Variants in ZBTB20 observed in about 807,000 individuals in gnomAD.
ZBTB20 encodes zinc finger and BTB domain-containing protein 20.
A neutral mutation model predicts 56.9 loss-of-function variants in ZBTB20; 9 were observed. That is an observed-to-expected ratio of 0.16 (90% CI 0.10 to 0.28). ZBTB20 has a LOEUF of 0.28. Among genes scored for constraint, ZBTB20 ranks in the 10% least tolerant of loss-of-function variants. The pLI is 1.00. For missense variants in ZBTB20, 655 were observed against 1,003.0 expected, an observed-to-expected ratio of 0.65 and a Z score of 4.69; for synonymous variants, 417 against 420.7, an observed-to-expected ratio of 0.99 and a Z score of 0.11.
At chr3:115,025,587 AT>A (rs2080390876) in intron 2 of ZBTB20, among the ~76,000 whole-genome samples, 1 of 151,008 alleles carries the variant, frequency 6.6e-6, no homozygotes, top group Non-Finnish European at 1.5e-5. Context: ...AGAAAAAATG[AT>A]TCATGGGATC....
chr3:114,783,182 G>A (rs1053860798), intron 5 of ZBTB20, among the ~76,000 whole-genome samples: 1 of 152,064 alleles, frequency 6.6e-6, no homozygotes, highest in Non-Finnish European at 1.5e-5. Context: ...ATTATGTTAG[G>A]TAAAGTACTA....
At chr3:114,413,855 G>A (rs2088238793) in intron 7 of ZBTB20, among the ~76,000 whole-genome samples, 1 of 152,062 alleles carries the variant, frequency 6.6e-6, no homozygotes, top group Non-Finnish European at 1.5e-5. Flanking sequence ...GGCAGATTTG[G>A]GATTTGAATT....
At chr3:114,550,754 G>A (rs1046648626) in intron 6 of ZBTB20, among the ~76,000 whole-genome samples, 1 of 151,928 alleles carries the variant, frequency 6.6e-6, no homozygotes, top group Non-Finnish European at 1.5e-5. Flanking sequence ...CCAAGATATA[G>A]TTTGTTTGTT....
At chr3:114,594,266 C>CTTTTTT (rs1001656979) in intron 6 of ZBTB20, among the ~76,000 whole-genome samples, 1 of 132,310 alleles carries the variant, frequency 7.6e-6, no homozygotes, top group Admixed American at 7.6e-5. Context: ...TTCTCATATT[C>CTTTTTT]TTTTTTTTTT....
intron 10 of ZBTB20, among the ~76,000 whole-genome samples, chr3:114,364,283 C>T (rs2082173467): frequency 6.6e-6 from 1 of 152,150 alleles, no homozygotes; most frequent in Non-Finnish European, 1.5e-5. Context: ...GAAACCTCGT[C>T]TCTTCTAAAA....
chr3:115,000,055 T>A (rs1042284399), intron 2 of ZBTB20, among the ~76,000 whole-genome samples: 12 of 151,434 alleles, frequency 7.9e-5, no homozygotes, highest in African/African-American at 2.9e-4. Context: ...AAAAAAAAAA[T>A]AGCAAAATAA....
chr3:114,362,607 T>C (rs1183828481), intron 10 of ZBTB20, among the ~76,000 whole-genome samples: 1 of 152,196 alleles, frequency 6.6e-6, no homozygotes, highest in African/African-American at 2.4e-5. Context: ...CAAGCAATTG[T>C]TTTATGTGTT....
At chr3:114,664,183 C>T (rs996394458) in intron 6 of ZBTB20, among the ~76,000 whole-genome samples, 6 of 152,050 alleles carry the variant, frequency 3.9e-5, no homozygotes, top group African/African-American at 7.2e-5. Context: ...TCTCTCACAA[C>T]CCCTTGCAAA....
chr3:114,882,629 A>G (rs957754540), intron 4 of ZBTB20, among the ~76,000 whole-genome samples: 4 of 152,068 alleles, frequency 2.6e-5, no homozygotes, highest in African/African-American at 9.6e-5. Context: ...TAATATACCA[A>G]AATATAAACA....
chr3:115,113,955 CATTG>C (rs1044872468), intron 1 of ZBTB20, among the ~76,000 whole-genome samples: 39 of 151,914 alleles, frequency 2.6e-4, no homozygotes, highest in Non-Finnish European at 2.4e-4. Flanking sequence ...TTTGTCTTGG[CATTG>C]ATTAATATAA....
intron 4 of ZBTB20, among the ~76,000 whole-genome samples, chr3:114,809,080 A>G (rs1244804861): frequency 1.1e-4 from 1 of 8,986 alleles, no homozygotes; most frequent in South Asian, 2.7e-3. Flanking sequence ...TGTATGTAAC[A>G]GTCTTTTTTT....
At chr3:114,567,232 T>C (rs969561263) in intron 6 of ZBTB20, among the ~76,000 whole-genome samples, 2 of 152,178 alleles carry the variant, frequency 1.3e-5, no homozygotes, top group Non-Finnish European at 2.9e-5. Context: ...GTGTGATGGT[T>C]GCACTCAATG....
chr3:114,773,076 G>A (rs929391025), intron 5 of ZBTB20, among the ~76,000 whole-genome samples: 1 of 152,176 alleles, frequency 6.6e-6, no homozygotes, highest in African/African-American at 2.4e-5. Context: ...ATCTAAAGAT[G>A]GTTCCCAGCT....
chr3:114,628,664 A>G (rs1290330753), intron 6 of ZBTB20, among the ~76,000 whole-genome samples: 1 of 152,130 alleles, frequency 6.6e-6, no homozygotes, highest in African/African-American at 2.4e-5. Flanking sequence ...TTTTCCTCCA[A>G]ACTTTTTGAA....
intron 6 of ZBTB20, among the ~76,000 whole-genome samples, chr3:114,582,815 G>A (rs1346600175): frequency 6.6e-6 from 1 of 152,198 alleles, no homozygotes; most frequent in East Asian, 1.9e-4. Flanking sequence ...CCCAATATTA[G>A]TAAGCACTTC....
intron 4 of ZBTB20, among the ~76,000 whole-genome samples, chr3:114,829,765 C>CAT (rs1392728223): frequency 6.6e-6 from 1 of 151,846 alleles, no homozygotes; most frequent in Non-Finnish European, 1.5e-5. Flanking sequence ...ATGCAGTTAG[C>CAT]ATATGGCAGG....
At chr3:114,574,644 A>G (rs2053812164) in intron 6 of ZBTB20, among the ~76,000 whole-genome samples, 1 of 152,064 alleles carries the variant, frequency 6.6e-6, no homozygotes, top group African/African-American at 2.4e-5. Flanking sequence ...CCATAGTCTG[A>G]GCTCTCCTTA....
At chr3:114,396,235 A>AG (rs1054151559) in intron 7 of ZBTB20, among the ~76,000 whole-genome samples, 49 of 152,128 alleles carry the variant, frequency 3.2e-4, no homozygotes, top group African/African-American at 1.2e-3. Flanking sequence ...CCTATACCTT[A>AG]CCTCTTACAG....
chr3:114,839,628 T>C (rs2074297815), intron 4 of ZBTB20, among the ~76,000 whole-genome samples: 1 of 152,074 alleles, frequency 6.6e-6, no homozygotes. Flanking sequence ...CCCTGAAACC[T>C]GAGAATGTGA....
Sources: gnomAD v4.1 joint callset for allele counts (sites outside exome capture counted in the v4.1 genomes callset) on GRCh38, gnomAD v4.1.1 for gene constraint, MANE v1.5 for transcripts, NCBI Gene and HGNC (gene_info 2026-07-23, HGNC 2026-07-21) for gene names.